ODF2L: variants seen among roughly 807,000 people sequenced by gnomAD.
ODF2L encodes protein BCAP.
In ODF2L, 76 loss-of-function variants were observed where a neutral mutation model predicts 86.3. The ratio of observed to expected loss-of-function variants is 0.88; its 90% CI spans 0.73 to 1.07. The LOEUF (loss-of-function observed/expected upper bound fraction) is 1.07, where lower values mean the gene tolerates loss of function less well. Ranked by LOEUF, ODF2L falls within the 50% of genes least tolerant of loss-of-function variation. The pLI is 0.00. For missense variants in ODF2L, 748 were observed against 717.4 expected (o/e 1.04, Z -0.49); for synonymous variants, 241 against 231.3 (o/e 1.04, Z -0.38).
chr1:86,352,165 A>G (rs1455982541), exon 18 of ODF2L: 17 of 1,514,204 alleles, frequency 1.1e-5, no homozygotes, highest in Non-Finnish European at 1.5e-5. Flanking sequence ...AACTTTTTAG[A>G]CACTTGGGAA....
At chr1:86,385,219 A>G (rs942148920) in intron 3 of ODF2L, among the ~76,000 whole-genome samples, 2 of 152,006 alleles carry the variant, frequency 1.3e-5, no homozygotes, top group Non-Finnish European at 2.9e-5. Context: ...ACTCCGGGTA[A>G]TTCAAACATC....
At chr1:86,377,662 T>C (rs1329811226) in intron 7 of ODF2L, among the ~76,000 whole-genome samples, 1 of 152,234 alleles carries the variant, frequency 6.6e-6, no homozygotes, top group Non-Finnish European at 1.5e-5. Context: ...CACATGGAAG[T>C]TGCCAAGGCT....
chr1:86,381,828 T>A (rs996113341), intron 7 of ODF2L: 1 of 152,308 alleles, frequency 6.6e-6, no homozygotes, highest in South Asian at 2.1e-4. Flanking sequence ...ATAAACATCG[T>A]ATTGACTGTT....
At chr1:86,395,406 G>C (rs1465491362) in intron 1 of ODF2L, among the ~76,000 whole-genome samples, 1 of 152,086 alleles carries the variant, frequency 6.6e-6, no homozygotes, top group African/African-American at 2.4e-5. Context: ...GATGATTACT[G>C]TTACAGTTAT....
intron 12 of ODF2L, 25 bp from the exon 12 acceptor site, chr1:86,358,916 A>G (rs762275886): frequency 8.9e-7 from 1 of 1,122,318 alleles, no homozygotes; most frequent in South Asian, 1.6e-5. Flanking sequence ...TTAGAGAAAC[A>G]TATTATTTTT....
At chr1:86,359,274 C>G (rs560642877) in intron 12 of ODF2L, among the ~76,000 whole-genome samples, 7 of 151,678 alleles carry the variant, frequency 4.6e-5, no homozygotes, top group African/African-American at 1.7e-4. Flanking sequence ...GGCCCTGCAC[C>G]CAGAATATGG....
chr1:86,355,400 A>C, intron 14 of ODF2L: 1 of 1,500,530 alleles, frequency 6.7e-7, no homozygotes, highest in Non-Finnish European at 9.1e-7. Flanking sequence ...TAAATAATGT[A>C]AGAAGCTTTG....
intron 1 of ODF2L, among the ~76,000 whole-genome samples, chr1:86,390,678 T>C (rs1661262467): frequency 1.3e-5 from 2 of 152,162 alleles, no homozygotes; most frequent in Admixed American, 1.3e-4. Context: ...ACAAGAGACA[T>C]ACCTCAATGT....
exon 3 of ODF2L, chr1:86,385,541 T>C (rs1483421784): frequency 6.2e-7 from 1 of 1,609,062 alleles, no homozygotes; most frequent in Non-Finnish European, 8.5e-7. Flanking sequence ...TCCGCTTCCT[T>C]AAGTGTTGCT....
chr1:86,355,665 G>A (rs1658498558), intron 14 of ODF2L, among the ~76,000 whole-genome samples: 1 of 151,990 alleles, frequency 6.6e-6, no homozygotes, highest in Non-Finnish European at 1.5e-5. Context: ...TATTTTTTCT[G>A]ATCCTCTCCC....
chr1:86,357,585 G>C (rs1658680814), intron 13 of ODF2L: 1 of 170,080 alleles, frequency 5.9e-6, no homozygotes, highest in Non-Finnish European at 1.1e-5. Context: ...TATTCTGATG[G>C]TATATAAAGT....
At chr1:86,352,193 A>G (rs1318098743) in exon 18 of ODF2L, 1 of 1,519,980 alleles carries the variant, frequency 6.6e-7, no homozygotes, top group Non-Finnish European at 8.8e-7. Context: ...AATAGATTTC[A>G]TGGAGTCTCT....
chr1:86,381,927 ATATT>A, intron 7 of ODF2L: 1 of 179,650 alleles, frequency 5.6e-6, no homozygotes, highest in Non-Finnish European at 1.1e-5. Context: ...TGATTTTGGT[ATATT>A]TAAATTTATT....
chr1:86,370,939 T>A (rs993910105), intron 10 of ODF2L, 79 bp downstream of exon 10: 1 of 906,576 alleles, frequency 1.1e-6, no homozygotes, highest in African/African-American at 1.7e-5. Context: ...CTAAACATAC[T>A]CTTTCTTCAA....
At chr1:86,382,984 A>C (rs1660690680) in exon 6 of ODF2L, 5 of 1,550,090 alleles carry the variant, frequency 3.2e-6, no homozygotes, top group Non-Finnish European at 3.6e-6. Context: ...TCCTTTTCAA[A>C]TACCTTCTTC....
exon 13 of ODF2L, chr1:86,358,794 A>T: frequency 7.6e-7 from 1 of 1,312,470 alleles, no homozygotes; most frequent in Non-Finnish European, 1.1e-6. Context: ...TACCTTCTCT[A>T]CATTTTTATT....
At chr1:86,358,855 T>C (rs771868725) in exon 13 of ODF2L, 1 of 1,551,122 alleles carries the variant, frequency 6.4e-7, no homozygotes, top group Non-Finnish European at 8.7e-7. Context: ...TCACATCTGC[T>C]TTTTACTATT....
chr1:86,393,806 G>A lies in ODF2L; in HGVS notation c.-60+2227C>T, dbSNP rs6674140. Among the ~76,000 whole-genome samples, 3 of 152,164 alleles carry A rather than the reference G, an allele frequency of 2.0e-5. No individual in the cohort carries two copies. In the East Asian group the frequency reaches 5.8e-4, roughly 29 times the overall value. On this transcript the variant is annotated intron_variant, in intron 1 of 17. Coordinates refer to ENST00000317336, the Ensembl canonical transcript of ODF2L. ...TATTAACTGTGAGGACAAATAATAC[G>A]CATCACTCTCTGCCCTAAAAAATTA... is the stretch of plus-strand genomic sequence containing the variant.
At chr1:86,368,710 A>C in exon 11 of ODF2L, 1 of 1,448,510 alleles carries the variant, frequency 6.9e-7, no homozygotes, top group Non-Finnish European at 9.2e-7. Flanking sequence ...GTAATTCTAC[A>C]TGGGAATCTA....
Sources: allele counts gnomAD v4.1 joint callset (sites outside exome capture counted in the v4.1 genomes callset), GRCh38; gene constraint gnomAD v4.1.1; transcripts MANE v1.5; gene names NCBI Gene and HGNC (gene_info 2026-07-23, HGNC 2026-07-21).